The following KIF13B variants were observed in gnomAD, a reference collection of about 807,000 sequenced individuals.
KIF13B encodes the protein kinesin-like protein KIF13B.
KIF13B carries 127 observed loss-of-function variants against 222.0 expected under a neutral mutation model. The ratio of observed to expected loss-of-function variants is 0.57; its 90% CI spans 0.50 to 0.66. The LOEUF (loss-of-function observed/expected upper bound fraction) is 0.66, where lower values mean the gene tolerates loss of function less well. KIF13B is among the 30% of genes least tolerant of loss of function. The pLI, the probability that KIF13B is intolerant of heterozygous loss-of-function variation, is 0.00. For missense variants in KIF13B, 2,173 were observed against 2,379.0 expected (o/e 0.91, Z 1.80); for synonymous variants, 976 against 919.0 (o/e 1.06, Z -1.12).
At chr8:29,096,293 CTTTTTTTTTTTTTTTT>C (rs61008499) in intron 36 of KIF13B, among the ~76,000 whole-genome samples, 2 of 76,692 alleles carry the variant, frequency 2.6e-5, no homozygotes, top group Non-Finnish European at 5.5e-5. Context: ...CCAAGCTTTT[CTTTTTTTTTTTTTTTT>C]TTTTTTTTGA....
intron 37 of KIF13B, among the ~76,000 whole-genome samples, chr8:29,085,433 C>CTTTTTTTTTT (rs1563687452): frequency 7.9e-5 from 12 of 152,134 alleles, no homozygotes; most frequent in Admixed American, 6.5e-5. Flanking sequence ...AAACAGGACC[C>CTTTTTTTTTT]ATTCTATTCC....
intron 35 of KIF13B, among the ~76,000 whole-genome samples, chr8:29,102,811 A>G (rs1229998539): frequency 2.6e-5 from 4 of 152,232 alleles, no homozygotes; most frequent in Non-Finnish European, 4.4e-5. Flanking sequence ...CACAAAATTC[A>G]ATTCTGCTAA....
chr8:29,121,176 G>T (rs1586806502), intron 29 of KIF13B, among the ~76,000 whole-genome samples: 1 of 147,154 alleles, frequency 6.8e-6, no homozygotes, highest in South Asian at 2.2e-4. Flanking sequence ...AGCTACCAAT[G>T]ACTTTCTTCA....
At chr8:29,172,052 T>A (rs187313297) in intron 10 of KIF13B, among the ~76,000 whole-genome samples, 4 of 148,156 alleles carry the variant, frequency 2.7e-5, no homozygotes, top group African/African-American at 9.9e-5. Context: ...GTGAGCCCCA[T>A]GCCCAGCCAG....
chr8:29,232,441 A>AT (rs1815327300), intron 2 of KIF13B, among the ~76,000 whole-genome samples: 1 of 146,588 alleles, frequency 6.8e-6, no homozygotes, highest in Non-Finnish European at 1.5e-5. Context: ...TTAAAAAATA[A>AT]ATATATATAT....
At chr8:29,163,636 G>C (rs1447086193) in intron 12 of KIF13B, among the ~76,000 whole-genome samples, 2 of 152,188 alleles carry the variant, frequency 1.3e-5, no homozygotes, top group Non-Finnish European at 2.9e-5. Context: ...AAGTGATCAA[G>C]AGACCAGGTT....
chr8:29,070,321 G>A lies in KIF13B; in HGVS notation c.*183C>T, dbSNP rs961314461. 21 of 651,404 alleles carry A rather than the reference G, an allele frequency of 3.2e-5. 1 individual carries two copies. The South Asian group carries it at 3.7e-4, about 11-fold the overall frequency. 40.4% of individuals were successfully genotyped at this position (651,404 alleles called of 1,614,324 possible). A position where few individuals can be genotyped will look rare whatever the true frequency, so the allele number is the denominator to read the frequency against. On this transcript the variant is annotated 3_prime_UTR_variant, in exon 40 of 40. Coordinates refer to ENST00000524189, the MANE Select transcript of KIF13B (RefSeq NM_015254.4). This position sits in a 1 kb window ranked among gnomAD's most constrained non-coding sequence, Gnocchi z 4.1. ...CACAGTTGAGGCCCCCACTTTACCCGGGTACAGAAGAAACAAAGCTTCCAG... is the reference window on the plus strand; with the variant it reads ...CACAGTTGAGGCCCCCACTTTACCCAGGTACAGAAGAAACAAAGCTTCCAG...
chr8:29,228,020 C>T (rs1358688740), intron 2 of KIF13B, among the ~76,000 whole-genome samples: 2 of 151,150 alleles, frequency 1.3e-5, no homozygotes, highest in Admixed American at 1.3e-4. Flanking sequence ...CTGATCAACA[C>T]TGGAAATTTT....
At chr8:29,248,527 G>A (rs1816137619) in intron 1 of KIF13B, among the ~76,000 whole-genome samples, 1 of 152,150 alleles carries the variant, frequency 6.6e-6, no homozygotes, top group Non-Finnish European at 1.5e-5. Context: ...GAGAAGAGAA[G>A]GACAGCCAAG....
chr8:29,250,943 A>C (rs994764468), intron 1 of KIF13B, among the ~76,000 whole-genome samples: 1 of 152,188 alleles, frequency 6.6e-6, no homozygotes, highest in Non-Finnish European at 1.5e-5. Context: ...AGCACTTAGA[A>C]AGCAAAGCAG....
At chr8:29,115,213 G>A (rs762899983) in intron 31 of KIF13B, among the ~76,000 whole-genome samples, 2 of 151,914 alleles carry the variant, frequency 1.3e-5, no homozygotes, top group Non-Finnish European at 2.9e-5. Context: ...CATCTGTACT[G>A]GTTTTAGTCA....
chr8:29,176,886 C>T (rs558515918), intron 9 of KIF13B, among the ~76,000 whole-genome samples: 8 of 151,962 alleles, frequency 5.3e-5, no homozygotes, highest in Non-Finnish European at 8.8e-5. Flanking sequence ...AATATTACTT[C>T]GTAAAGTCTT....
chr8:29,225,476 G>A (rs1008711725), intron 2 of KIF13B, among the ~76,000 whole-genome samples: 3 of 152,210 alleles, frequency 2.0e-5, no homozygotes, highest in Admixed American at 2.0e-4. Context: ...TCAGGTCAAA[G>A]GCTGTTGAAA....
chr8:29,147,712 C>T, intron 16 of KIF13B, 110 bp from the exon 17 acceptor site: 1 of 780,380 alleles, frequency 1.3e-6, no homozygotes, highest in Non-Finnish European at 2.1e-6. Flanking sequence ...CCACCTAATA[C>T]TTTAAAGACA....
In KIF13B at chr8:29,143,674, C is replaced by T. The variant is rs189962502; in HGVS notation, c.2188-1371G>A. On this transcript the variant is annotated intron_variant, in intron 18 of 39. Coordinates refer to ENST00000524189, the MANE Select transcript of KIF13B (RefSeq NM_015254.4). ...CAGCCTGGCCAATATGGTGAAACCC[C>T]GTCTCTACTAAAAATACAAAAATTA... Among the ~76,000 whole-genome samples, 169 of 152,046 alleles carry T rather than the reference C, an allele frequency of 1.1e-3. 4 individuals are homozygous for T. The East Asian group carries it at 0.031, about 28-fold the overall frequency.
intron 4 of KIF13B, chr8:29,189,960 TGTC>T (rs986767390): frequency 2.0e-5 from 3 of 152,272 alleles, no homozygotes; most frequent in African/African-American, 7.2e-5. Context: ...GGGAGGGTGT[TGTC>T]TGTACTTTCT....
At position 29,132,370 on chromosome 8, in the gene KIF13B, C is replaced by G; in HGVS notation, c.2880G>C (p.Arg960=). 6.3e-7 allele frequency: 1 copy of G among 1,593,392 alleles called. No individual in the cohort carries two copies. Among genetic ancestry groups the G allele is most frequent in the Non-Finnish European group, 8.6e-7 (1 of 1,169,016 alleles). Residue 960 remains arginine (R), a synonymous_variant, in exon 23 of 40, where the codon CGG becomes CGC. Coordinates refer to ENST00000524189, the MANE Select transcript of KIF13B (RefSeq NM_015254.4). The part of the protein sequence containing the change: ...EVYGHKINDP[R]KNPALWDLGI... ...CCAAATCCCACAGGGCGGGGTTTTT[C>G]CGGGGATCGTTTATTTTATGTCCAT...
intron 31 of KIF13B, 66 bp downstream of exon 31, chr8:29,116,765 G>A (rs966328455): frequency 6.9e-7 from 1 of 1,439,826 alleles, no homozygotes; most frequent in Non-Finnish European, 9.5e-7. Flanking sequence ...TTAACAGCAA[G>A]CACTGCACGG....
In KIF13B at chr8:29,167,435, G is replaced by A. The variant is rs773808991; in HGVS notation, c.1096C>T (p.Arg366Ter). Residue 366 changes from arginine to a stop codon, truncating the protein, a stop_gained, in exon 11 of 40, where the codon CGA (arginine) becomes TGA (stop). Coordinates refer to ENST00000524189, the MANE Select transcript of KIF13B (RefSeq NM_015254.4). LOFTEE classifies it high-confidence loss of function. ...TCTTCCCGGAGATCCCGGATAATTC[G>A]GGCATTAGGGTCCTCATTCACCACA... ...HAVVNEDPNA[R>*]IIRDLREEVE... 6 of 1,613,772 alleles carry A rather than the reference G, an allele frequency of 3.7e-6. No homozygotes were observed. Among genetic ancestry groups the A allele is most frequent in the Middle Eastern group, 1.7e-4 (1 of 5,986 alleles).
Sources: gnomAD v4.1 joint callset for allele counts (sites outside exome capture counted in the v4.1 genomes callset) on GRCh38, gnomAD v4.1.1 for gene constraint, Gnocchi (gnomAD v3.1) non-coding constraint, MANE v1.5 for transcripts, NCBI Gene and HGNC (gene_info 2026-07-23, HGNC 2026-07-21) for gene names.